FABP1: variants seen among roughly 807,000 people sequenced by gnomAD.
FABP1 encodes the protein fatty acid-binding protein, liver.
FABP1 carries 13 observed loss-of-function variants against 13.7 expected under a neutral mutation model. The observed-to-expected ratio is 0.95, with a 90% CI of 0.62 to 1.51. The LOEUF is 1.51. Among genes scored for constraint, FABP1 ranks in the 40% most tolerant of loss-of-function variants. FABP1 has a pLI of 0.00. For missense variants in FABP1, 140 were observed against 155.7 expected, an observed-to-expected ratio of 0.90 and a Z score of 0.54; for synonymous variants, 48 against 59.8, an observed-to-expected ratio of 0.80 and a Z score of 0.91.
chr2:88,127,832 G>C (rs922145130), intron 1 of FABP1, 119 bp downstream of exon 1: 20 of 1,029,388 alleles, frequency 1.9e-5, no homozygotes, highest in Admixed American at 1.2e-4. Context: ...CCCCTAGTTT[G>C]TGTATATAGC....
chr2:88,127,792 T>C (rs1051637906), intron 1 of FABP1, among the ~76,000 whole-genome samples, 159 bp downstream of exon 1: 1 of 152,212 alleles, frequency 6.6e-6, no homozygotes, highest in African/African-American at 2.4e-5. Context: ...GAGGACTTGC[T>C]GCAAATAACT....
chr2:88,124,289 C>A, intron 3 of FABP1: 1 of 502,220 alleles, frequency 2.0e-6, no homozygotes, highest in Admixed American at 4.2e-5. Flanking sequence ...TTGCGCTGAG[C>A]AGAAAGGATT....
chr2:88,126,570 T>C, intron 1 of FABP1: 1 of 485,474 alleles, frequency 2.1e-6, no homozygotes, highest in African/African-American at 1.9e-5. Flanking sequence ...TGCCAGTCAA[T>C]TTATAAAAAG....
intron 3 of FABP1, chr2:88,124,241 G>A (rs2104034318): frequency 4.5e-6 from 2 of 447,616 alleles, no homozygotes; most frequent in East Asian, 7.8e-5. Context: ...AAGCACCCTG[G>A]GCATGCAGGG....
At chr2:88,127,428 G>C (rs991240090) in intron 1 of FABP1, among the ~76,000 whole-genome samples, 7 of 152,104 alleles carry the variant, frequency 4.6e-5, no homozygotes, top group Non-Finnish European at 7.4e-5. Context: ...GAAAATAATG[G>C]TACCCAGCTT....
chr2:88,124,173 T>C (rs1191864388), intron 3 of FABP1: 4 of 283,702 alleles, frequency 1.4e-5, no homozygotes, highest in Non-Finnish European at 2.6e-5. Flanking sequence ...TAAGCTGCCA[T>C]AATATGACCA....
At chr2:88,127,819 T>C (rs1278006119) in intron 1 of FABP1, 132 bp downstream of exon 1, 1 of 912,432 alleles carries the variant, frequency 1.1e-6, no homozygotes, top group Non-Finnish European at 1.8e-6. Context: ...GTCAGTAAAA[T>C]GCCCCCTAGT....
intron 2 of FABP1, among the ~76,000 whole-genome samples, chr2:88,125,346 G>A (rs1193756517): frequency 6.6e-6 from 1 of 152,124 alleles, no homozygotes; most frequent in African/African-American, 2.4e-5. Flanking sequence ...TGTTCTAATT[G>A]GAGAGGCAGA....
intron 1 of FABP1, among the ~76,000 whole-genome samples, 184 bp downstream of exon 1, chr2:88,127,767 G>T (rs952062414): frequency 6.6e-6 from 1 of 152,182 alleles, no homozygotes; most frequent in Non-Finnish European, 1.5e-5. Context: ...TGCCTATGGG[G>T]TGGCCTTGTG....
intron 1 of FABP1, 181 bp from the exon 2 acceptor site, chr2:88,126,529 G>A: frequency 3.3e-6 from 2 of 603,906 alleles, no homozygotes; most frequent in South Asian, 2.2e-5. Flanking sequence ...GAAAGGAAGG[G>A]ACAGTGACCT....
intron 2 of FABP1, among the ~76,000 whole-genome samples, 192 bp from the exon 3 acceptor site, chr2:88,124,778 G>A (rs546358528): frequency 1.3e-5 from 2 of 152,062 alleles, no homozygotes; most frequent in South Asian, 2.1e-4. Flanking sequence ...AAAATGTCAC[G>A]ACTTCTTTTG....
intron 1 of FABP1, 51 bp from the exon 2 acceptor site, chr2:88,126,399 GA>G: frequency 6.4e-7 from 1 of 1,574,532 alleles, no homozygotes; most frequent in Non-Finnish European, 8.7e-7. Context: ...GGAGTTTCAT[GA>G]CCGTGGTAGG....
chr2:88,126,610 T>C, intron 1 of FABP1: 1 of 362,462 alleles, frequency 2.8e-6, no homozygotes, highest in Non-Finnish European at 5.2e-6. Flanking sequence ...GAACCGTTCC[T>C]CTTGTAAGCA....
chr2:88,126,224 C>T lies in FABP1; in HGVS notation c.192G>A (p.Thr64=), dbSNP rs767008083. ...TCTCCAGCTCACATTCCTCCCCCAC[C>T]GTGAATTCGTTTTGGATCACTTTGG... is the stretch of plus-strand genomic sequence containing the variant. ...AGSKVIQNEF[T]VGEECELETM... is the part of the protein sequence containing the mutation. The change falls in exon 2 of 4, where the codon ACG becomes ACA. Residue 64 remains threonine (T), a synonymous_variant. Transcript: ENST00000295834. 8 of 1,612,322 alleles carry T rather than the reference C, an allele frequency of 5.0e-6. No individual in the cohort carries two copies. The highest frequency in any genetic ancestry group is 1.1e-5 in the South Asian group (1 of 90,870).
At chr2:88,126,116 A>C in intron 2 of FABP1, 60 bp downstream of exon 2, 1 of 1,524,408 alleles carries the variant, frequency 6.6e-7, no homozygotes, top group Non-Finnish European at 9.0e-7. Context: ...GCCTTGAGGA[A>C]TGAGGTCCCA....
chr2:88,123,060 T>A lies in FABP1; in HGVS notation c.378A>T (p.Arg126Ser). 6.2e-7 allele frequency: 1 copy of A among 1,609,774 alleles called. No homozygotes were observed. The highest frequency in any genetic ancestry group is 2.2e-5 in the East Asian group (1 of 44,828). ...ATATGAAATGCAGACTTGTTTAAAT[T>A]CTCTTGCTGATTCTCTTGAAGACAA... ...GDIVFKRISK[R>S]I Residue 126 changes from arginine to serine, a missense_variant, in exon 4 of 4, where the codon AGA becomes AGT. Transcript: ENST00000295834.
At position 88,124,585 on chromosome 2, in the gene FABP1, G is replaced by A; in HGVS notation, c.242C>T (p.Thr81Ile). 1 of 1,609,966 alleles carries A rather than the reference G, an allele frequency of 6.2e-7. No individual in the cohort carries two copies. Among genetic ancestry groups the A allele is most frequent in the South Asian group, 1.1e-5 (1 of 90,300 alleles). Residue 81 changes from threonine (T) to isoleucine (I), a missense_variant and splice_region_variant, in exon 3 of 4, where the codon ACA becomes ATA. Thr to Ile is a moderately conservative substitution (Grantham distance 89). Transcript: ENST00000295834. ...LETMTGEKVK[T>I]VVQLEGDNKL... ...ATTGTCACCTTCCAACTGAACCACT[G>A]TCTGCAGGGAACAGAGAGGTGACCT...
chr2:88,124,653 T>C, intron 2 of FABP1, 67 bp from the exon 3 acceptor site: 1 of 1,165,532 alleles, frequency 8.6e-7, no homozygotes, highest in Non-Finnish European at 1.3e-6. Context: ...GCTAATGAAG[T>C]TGCTTCCTTT....
At chr2:88,124,131 G>T in intron 3 of FABP1, 2 of 202,866 alleles carry the variant, frequency 9.9e-6, no homozygotes, top group Non-Finnish European at 9.7e-6. Context: ...AGGCACCAAG[G>T]CTGACTGCAT....
Sources: gnomAD v4.1 joint callset for allele counts (sites outside exome capture counted in the v4.1 genomes callset) on GRCh38, gnomAD v4.1.1 for gene constraint, MANE v1.5 for transcripts, NCBI Gene and HGNC (gene_info 2026-07-23, HGNC 2026-07-21) for gene names.